Variants in ENTPD1 observed in about 807,000 individuals in gnomAD.
ENTPD1 encodes ATP diphosphohydrolase.
A neutral mutation model predicts 57.0 loss-of-function variants in ENTPD1; 33 were observed. The observed-to-expected ratio is 0.58, with a 90% confidence interval of 0.44 to 0.77. The LOEUF (loss-of-function observed/expected upper bound fraction) is 0.77, where lower values mean the gene tolerates loss of function less well. Among genes scored for constraint, ENTPD1 ranks in the 30% least tolerant of loss-of-function variants. ENTPD1 has a pLI of 0.00. For missense variants in ENTPD1, 501 were observed against 603.4 expected, an observed-to-expected ratio of 0.83 and a Z score of 1.78; for synonymous variants, 202 against 218.8, an observed-to-expected ratio of 0.92 and a Z score of 0.68.
At chr10:95,703,968 G>C in the ENTPD1 span, among the ~76,000 whole-genome samples, 1 of 150,912 alleles carries the variant, frequency 6.6e-6, no homozygotes, top group Non-Finnish European at 1.5e-5. Context: ...GTTCATGCCT[G>C]TAGTCTCAGC....
intron 1 of ENTPD1, among the ~76,000 whole-genome samples, chr10:95,768,227 A>G (rs750612207): frequency 4.6e-5 from 7 of 152,250 alleles, no homozygotes; most frequent in Non-Finnish European, 1.0e-4. Context: ...CTTTCACAAT[A>G]AGATAACTGG....
Position 95,871,948 on chromosome 10 carries a change from C to A in ENTPD1, c.*5565C>A, listed in dbSNP as rs2098480925. 2.0e-6 allele frequency: 2 copies of A among 985,422 alleles called. No homozygotes were observed. Among genetic ancestry groups the A allele is most frequent in the African/African-American group, 3.5e-5 (2 of 57,360 alleles). The allele number at this position is 985,422 out of a possible 1,614,324, so 61.0% of individuals were successfully genotyped here. On this transcript the variant is annotated 3_prime_UTR_variant, in exon 10 of 10. Transcript: ENST00000371205. ...AGGGAATAGTGTGTATTTGCAATTA[C>A]CTAAACTGAACTCTACCATTACTCC...
intron 2 of ENTPD1, among the ~76,000 whole-genome samples, chr10:95,830,674 G>A (rs1190175260): frequency 1.3e-5 from 2 of 151,978 alleles, no homozygotes; most frequent in African/African-American, 4.8e-5. Flanking sequence ...ATGTTGTCAG[G>A]TACCTGTAAT....
chr10:95,854,508 C>G (rs1050573069), intron 7 of ENTPD1, among the ~76,000 whole-genome samples: 3 of 152,132 alleles, frequency 2.0e-5, no homozygotes, highest in African/African-American at 7.2e-5. Flanking sequence ...TTCTCTAGTT[C>G]TTTTAATTGT....
At chr10:95,776,757 C>G (rs999498677) in intron 1 of ENTPD1, among the ~76,000 whole-genome samples, 3 of 152,202 alleles carry the variant, frequency 2.0e-5, no homozygotes, top group Admixed American at 1.3e-4. Context: ...CTCCCCATCA[C>G]TTTTAGGTAC....
At chr10:95,727,529 G>A (rs1430844884) in intron 1 of ENTPD1, among the ~76,000 whole-genome samples, 2 of 152,124 alleles carry the variant, frequency 1.3e-5, no homozygotes, top group African/African-American at 4.8e-5. Context: ...CAGTTATAAG[G>A]ACTCAAGATG....
chr10:95,763,911 T>TTAAA (rs944973193), intron 1 of ENTPD1, among the ~76,000 whole-genome samples: 22 of 152,340 alleles, frequency 1.4e-4, no homozygotes, highest in African/African-American at 5.3e-4. Context: ...TTATTTACTG[T>TTAAA]TAAATAACTC....
At chr10:95,761,461 G>C (rs980073855) in intron 1 of ENTPD1, among the ~76,000 whole-genome samples, 1 of 152,074 alleles carries the variant, frequency 6.6e-6, no homozygotes, top group Non-Finnish European at 1.5e-5. Context: ...CAGGGTCATC[G>C]CATGCCTTAG....
chr10:95,737,801 T>C (rs2097996287), intron 1 of ENTPD1, among the ~76,000 whole-genome samples: 1 of 152,226 alleles, frequency 6.6e-6, no homozygotes, highest in Non-Finnish European at 1.5e-5. Flanking sequence ...TGAGTTTTGC[T>C]CTAAATTGCA....
At chr10:95,743,855 C>G (rs2098002951) in intron 1 of ENTPD1, among the ~76,000 whole-genome samples, 1 of 151,242 alleles carries the variant, frequency 6.6e-6, no homozygotes, top group Non-Finnish European at 1.5e-5. Context: ...ACCTATTTAT[C>G]AGGGGAATTC....
chr10:95,724,425 T>A (rs933204524), intron 1 of ENTPD1, among the ~76,000 whole-genome samples: 2 of 152,104 alleles, frequency 1.3e-5, no homozygotes, highest in Admixed American at 6.5e-5. Context: ...ATTTCCAAGA[T>A]GGCGGCAAGC....
chr10:95,730,296 C>T (rs971375830), intron 1 of ENTPD1, among the ~76,000 whole-genome samples: 6 of 152,046 alleles, frequency 3.9e-5, no homozygotes, highest in African/African-American at 1.4e-4. Flanking sequence ...CTCAAGTGAG[C>T]TTCCTGTCTC....
intron 1 of ENTPD1, among the ~76,000 whole-genome samples, chr10:95,770,510 G>T (rs1053840713): frequency 1.3e-5 from 2 of 152,170 alleles, no homozygotes; most frequent in Non-Finnish European, 2.9e-5. Context: ...TTACAGAGAG[G>T]TGTGTAACTT....
intron 1 of ENTPD1, among the ~76,000 whole-genome samples, chr10:95,776,797 C>T (rs893069975): frequency 6.6e-6 from 1 of 152,236 alleles, no homozygotes; most frequent in African/African-American, 2.4e-5. Context: ...GGTCTTTTCA[C>T]ATAGTCCCAT....
chr10:95,760,627 G>A (rs1053523496), intron 1 of ENTPD1, among the ~76,000 whole-genome samples: 11 of 151,930 alleles, frequency 7.2e-5, no homozygotes, highest in African/African-American at 2.4e-4. Context: ...GCCTTTACTT[G>A]GTCAAATTGC....
At chr10:95,803,221 C>T (rs1220158564) in intron 1 of ENTPD1, among the ~76,000 whole-genome samples, 2 of 151,970 alleles carry the variant, frequency 1.3e-5, no homozygotes, top group Non-Finnish European at 2.9e-5. Flanking sequence ...TTTGTGTCAT[C>T]TTTGGCTTTT....
At position 95,866,416 on chromosome 10, in the gene ENTPD1, G is replaced by A; in HGVS notation, c.*33G>A. On this transcript the variant is annotated 3_prime_UTR_variant, in exon 10 of 10. Coordinates refer to ENST00000371205, the MANE Select transcript of ENTPD1 (RefSeq NM_001776.6). ...AGCTGAAATATGCTGGCTGGAGTGAGGAAAAAAATCGTCCAGGGAGCATTT... is the reference window on the plus strand; with the variant it reads ...AGCTGAAATATGCTGGCTGGAGTGAAGAAAAAAATCGTCCAGGGAGCATTT... The A allele has an allele frequency of 6.2e-7, 1 of 1,613,220 alleles. No homozygotes were observed. The highest frequency in any genetic ancestry group is 8.5e-7 in the Non-Finnish European group (1 of 1,179,666).
intron 1 of ENTPD1, among the ~76,000 whole-genome samples, chr10:95,768,712 C>T (rs895579775): frequency 8.5e-5 from 13 of 152,104 alleles, no homozygotes; most frequent in Non-Finnish European, 4.4e-5. Context: ...ATGGCAACAT[C>T]CTCTTGTACA....
rs531694078 is a variant in ENTPD1 at position 95,866,129 on chromosome 10, C to T, written c.1327-48C>T. 1.3e-5 allele frequency: 20 copies of T among 1,580,480 alleles called. No homozygotes were observed. The South Asian group carries it at 2.0e-4, about 15-fold the overall frequency. ...AATAATTCTAAGCCCTAGGTGATAACTCTTCTAACTCCTCCAACCACAAAC... is the reference window on the plus strand; with the variant it reads ...AATAATTCTAAGCCCTAGGTGATAATTCTTCTAACTCCTCCAACCACAAAC... On this transcript the variant is annotated intron_variant, in intron 9 of 9. Transcript: ENST00000371205.
Sources: gnomAD v4.1 joint callset for allele counts (sites outside exome capture counted in the v4.1 genomes callset) on GRCh38, gnomAD v4.1.1 for gene constraint, MANE v1.5 for transcripts, NCBI Gene and HGNC (gene_info 2026-07-23, HGNC 2026-07-21) for gene names.